Variants in HGD observed in about 807,000 individuals in gnomAD.
HGD encodes the protein homogentisate oxidase.
A neutral mutation model predicts 60.8 loss-of-function variants in HGD; 61 were observed. That is an observed-to-expected ratio of 1.00 (90% CI 0.82 to 1.24). HGD has a LOEUF of 1.24. Among genes scored for constraint, HGD ranks in the 50% most tolerant of loss-of-function variants. HGD has a pLI of 0.00. For missense variants in HGD, 542 were observed against 547.1 expected (o/e 0.99, Z 0.09); for synonymous variants, 212 against 187.7 (o/e 1.13, Z -1.06).
At chr3:120,651,989 A>G (rs1941356615) in intron 5 of HGD, among the ~76,000 whole-genome samples, 1 of 152,364 alleles carries the variant, frequency 6.6e-6, no homozygotes, top group East Asian at 1.9e-4. Flanking sequence ...GCAAAAAACC[A>G]CAGCAGTATT....
Position 120,641,628 on chromosome 3 carries a change from C to T in HGD, c.840G>A (p.Lys280=), listed in dbSNP as rs771989878. The change falls in exon 11 of 14, where the codon AAG becomes AAA. Residue 280 remains lysine, a synonymous_variant. Coordinates refer to ENST00000283871, the MANE Select transcript of HGD (RefSeq NM_000187.4). ...GNYTPYKYNL[K]NFMVINSVAF... ...CCACTGAGTTGATAACCATGAAATT[C>T]TTCAGGTTGTACTTGTAGGGTGTAT... The T allele has an allele frequency of 1.9e-6, 3 of 1,613,950 alleles. No individual in the cohort carries two copies. Among genetic ancestry groups the T allele is most frequent in the Non-Finnish European group, 2.5e-6 (3 of 1,179,858 alleles).
chr3:120,672,031 T>C (rs949511211), intron 3 of HGD, among the ~76,000 whole-genome samples: 2 of 152,060 alleles, frequency 1.3e-5, no homozygotes, highest in African/African-American at 2.4e-5. Context: ...AAATGGCTAA[T>C]GTATGCTGGG....
chr3:120,671,392 T>G (rs1002038537), intron 3 of HGD, among the ~76,000 whole-genome samples: 3 of 152,184 alleles, frequency 2.0e-5, no homozygotes, highest in African/African-American at 7.2e-5. Flanking sequence ...AGTCTATTTG[T>G]TTATTGGCTC....
At chr3:120,649,178 G>T (rs1282521286) in intron 6 of HGD, among the ~76,000 whole-genome samples, 8 of 128,046 alleles carry the variant, frequency 6.2e-5, no homozygotes, top group African/African-American at 2.4e-4. Context: ...AGTCTCACAC[G>T]GTTGTCCGGG....
chr3:120,667,781 T>A (rs558747894), intron 4 of HGD, among the ~76,000 whole-genome samples: 166 of 152,304 alleles, frequency 1.1e-3, no homozygotes, highest in African/African-American at 3.9e-3. Context: ...AGCAAAATAA[T>A]AATAAATAAT....
At chr3:120,678,545 A>G (rs1213484824) in intron 1 of HGD, among the ~76,000 whole-genome samples, 1 of 152,222 alleles carries the variant, frequency 6.6e-6, no homozygotes, top group Non-Finnish European at 1.5e-5. Context: ...ACGAGTTAGT[A>G]TAAATGGTTC....
intron 4 of HGD, among the ~76,000 whole-genome samples, chr3:120,659,592 A>C (rs1016810595): frequency 1.3e-5 from 2 of 152,188 alleles, no homozygotes; most frequent in Non-Finnish European, 2.9e-5. Flanking sequence ...GTCTCTAGGA[A>C]GTTTGAAACT....
chr3:120,675,650 A>C lies in HGD; in HGVS notation c.87+142T>G, dbSNP rs537955802. On this transcript the variant is annotated intron_variant, in intron 2 of 13. Transcript: ENST00000283871. ...TGTGTTGTCATTGCTCTGTATCTTC[A>C]TTGCCCCTATGACTTGGGAAACCTC... The C allele has an allele frequency of 4.2e-6, 3 of 709,452 alleles. No homozygotes were observed. The East Asian group carries it at 7.9e-5, about 19-fold the overall frequency. The allele number at this position is 709,452 out of a possible 1,614,324, so 43.9% of individuals were successfully genotyped here. A position where few individuals can be genotyped will look rare whatever the true frequency, so the allele number is the denominator to read the frequency against.
chr3:120,660,954 G>A (rs1319376155), intron 4 of HGD, among the ~76,000 whole-genome samples: 8 of 152,170 alleles, frequency 5.3e-5, no homozygotes, highest in South Asian at 4.1e-4. Context: ...CTAGCACGAA[G>A]TATAGAACAT....
chr3:120,640,246 G>C (rs1252259946), intron 11 of HGD, among the ~76,000 whole-genome samples: 1 of 138,150 alleles, frequency 7.2e-6, no homozygotes, highest in Non-Finnish European at 1.6e-5. Flanking sequence ...GGGGGAAAAA[G>C]GGAGGGAGGG....
intron 10 of HGD, among the ~76,000 whole-genome samples, chr3:120,643,047 C>T (rs1941038524): frequency 6.6e-6 from 1 of 152,172 alleles, no homozygotes; most frequent in African/African-American, 2.4e-5. Context: ...ATCTGGGGAA[C>T]ATGCTTAAAA....
At chr3:120,679,584 C>T (rs1390220041) in intron 1 of HGD, among the ~76,000 whole-genome samples, 1 of 151,978 alleles carries the variant, frequency 6.6e-6, no homozygotes, top group Non-Finnish European at 1.5e-5. Flanking sequence ...GGGAGATATC[C>T]TAATTATTTG....
At chr3:120,676,764 G>A (rs563968009) in intron 1 of HGD, among the ~76,000 whole-genome samples, 1 of 152,250 alleles carries the variant, frequency 6.6e-6, no homozygotes, top group South Asian at 2.1e-4. Context: ...ATGCAGTCTT[G>A]CTCAGCAAGC....
intron 3 of HGD, among the ~76,000 whole-genome samples, chr3:120,673,888 T>C (rs1233090459): frequency 6.6e-6 from 1 of 152,208 alleles, no homozygotes; most frequent in Non-Finnish European, 1.5e-5. Flanking sequence ...TAATTATCTT[T>C]GTTTTACGAA....
At chr3:120,646,146 G>T (rs1362445240) in intron 9 of HGD, 121 bp downstream of exon 9, 2 of 742,208 alleles carry the variant, frequency 2.7e-6, no homozygotes, top group South Asian at 1.5e-5. Context: ...AGAAGAATTT[G>T]TCTAGAGAGA....
At chr3:120,636,125 A>C (rs994009799) in intron 12 of HGD, among the ~76,000 whole-genome samples, 31 of 151,314 alleles carry the variant, frequency 2.0e-4, no homozygotes, top group Admixed American at 1.8e-3. Context: ...ACAAAAAAAA[A>C]AAAAAAAAGC....
intron 13 of HGD, among the ~76,000 whole-genome samples, chr3:120,629,001 A>T (rs1461297412): frequency 1.3e-5 from 2 of 152,164 alleles, no homozygotes. Flanking sequence ...GTCATCGCAG[A>T]ACTGGGATTT....
At chr3:120,649,285 G>C (rs1288876790) in intron 6 of HGD, among the ~76,000 whole-genome samples, 1 of 151,470 alleles carries the variant, frequency 6.6e-6, no homozygotes, top group Non-Finnish European at 1.5e-5. Flanking sequence ...TGGGATTACA[G>C]GCGCCCACCA....
At chr3:120,635,840 G>A (rs1479787328) in intron 12 of HGD, among the ~76,000 whole-genome samples, 1 of 152,114 alleles carries the variant, frequency 6.6e-6, no homozygotes, top group South Asian at 2.1e-4. Context: ...AGACCCTATA[G>A]CACAGTAGCA....
Sources: allele counts gnomAD v4.1 joint callset (sites outside exome capture counted in the v4.1 genomes callset), GRCh38; gene constraint gnomAD v4.1.1; transcripts MANE v1.5; gene names NCBI Gene and HGNC (gene_info 2026-07-23, HGNC 2026-07-21).